GALNT7: variants seen among roughly 807,000 people sequenced by gnomAD.
GALNT7 encodes the protein polypeptide N-acetylgalactosaminyltransferase 7.
A neutral mutation model predicts 82.1 loss-of-function variants in GALNT7; 60 were observed. The observed-to-expected ratio is 0.73, with a 90% CI of 0.59 to 0.91. The LOEUF is 0.91. Ranked by LOEUF, GALNT7 falls within the 40% of genes least tolerant of loss-of-function variation. The pLI, the probability that GALNT7 is intolerant of heterozygous loss-of-function variation, is 0.00. For missense variants in GALNT7, 660 were observed against 804.2 expected, an observed-to-expected ratio of 0.82 and a Z score of 2.17; for synonymous variants, 243 against 275.1, an observed-to-expected ratio of 0.88 and a Z score of 1.15.
chr4:173,264,868 C>G (rs974919554), intron 2 of GALNT7, among the ~76,000 whole-genome samples: 1 of 152,238 alleles, frequency 6.6e-6, no homozygotes, highest in African/African-American at 2.4e-5. Flanking sequence ...CCTCTTCCTG[C>G]ATCCTGGAGG....
chr4:173,257,551 T>C (rs554741715), intron 2 of GALNT7, among the ~76,000 whole-genome samples: 2 of 152,294 alleles, frequency 1.3e-5, no homozygotes, highest in East Asian at 3.9e-4. Context: ...ATTATATAAA[T>C]AATATAGTTT....
At chr4:173,217,507 G>A (rs1401797624) in intron 1 of GALNT7, among the ~76,000 whole-genome samples, 1 of 152,140 alleles carries the variant, frequency 6.6e-6, no homozygotes, top group African/African-American at 2.4e-5. Flanking sequence ...GAAGTGAAAA[G>A]CATGTTTTAG....
chr4:173,313,570 C>CAAA (rs957463269), intron 8 of GALNT7, among the ~76,000 whole-genome samples: 3 of 62,374 alleles, frequency 4.8e-5, no homozygotes, highest in Admixed American at 1.8e-4. Context: ...GACCCCATCA[C>CAAA]AAAAAAAAAA....
At chr4:173,211,110 A>G (rs1733270828) in intron 1 of GALNT7, among the ~76,000 whole-genome samples, 1 of 152,186 alleles carries the variant, frequency 6.6e-6, no homozygotes, top group Admixed American at 6.5e-5. Context: ...CCACATCTCA[A>G]GTACTCAATA....
chr4:173,182,760 C>G (rs1166227529), intron 1 of GALNT7, among the ~76,000 whole-genome samples: 2 of 148,632 alleles, frequency 1.3e-5, no homozygotes, highest in Non-Finnish European at 3.0e-5. Flanking sequence ...CACACACACA[C>G]ACACAGACAC....
At chr4:173,270,205 A>T (rs1735672914) in intron 2 of GALNT7, among the ~76,000 whole-genome samples, 1 of 152,148 alleles carries the variant, frequency 6.6e-6, no homozygotes, top group South Asian at 2.1e-4. Flanking sequence ...GGTACAGGGG[A>T]AATGTTTTTC....
chr4:173,252,057 T>C (rs911021035), intron 2 of GALNT7, among the ~76,000 whole-genome samples: 15 of 152,240 alleles, frequency 9.9e-5, no homozygotes, highest in African/African-American at 3.1e-4. Flanking sequence ...TTATTTATAC[T>C]TTAGAATGTG....
Position 173,292,092 on chromosome 4 carries a change from A to C in GALNT7, c.588-16A>C. On this transcript the variant is annotated splice_polypyrimidine_tract_variant and intron_variant, in intron 2 of 11. Transcript: ENST00000265000. This position sits in a 1 kb window ranked among gnomAD's most constrained non-coding sequence, Gnocchi z 4.8. ...GATTACCTGTAAATAAATATGATGA[A>C]ATTTTCTCTTTACAGATGCAAGTAT... 1 of 1,580,252 alleles carries C rather than the reference A, an allele frequency of 6.3e-7. No individual in the cohort carries two copies. The highest frequency in any genetic ancestry group is 8.7e-7 in the Non-Finnish European group (1 of 1,154,076).
At chr4:173,213,536 T>A (rs577565591) in intron 1 of GALNT7, among the ~76,000 whole-genome samples, 79 of 152,282 alleles carry the variant, frequency 5.2e-4, no homozygotes, top group African/African-American at 1.8e-3. Context: ...AGCTGTGGTG[T>A]ATAATATGAG....
chr4:173,253,652 A>G (rs1436774547), intron 2 of GALNT7, among the ~76,000 whole-genome samples: 1 of 152,174 alleles, frequency 6.6e-6, no homozygotes, highest in Non-Finnish European at 1.5e-5. Context: ...GGGGAAATCA[A>G]AGATAAATCC....
rs1228115904 is a variant in GALNT7, at chr4:173,322,661, A to G, written c.*944A>G. The G allele has an allele frequency of 3.9e-5, 6 of 152,212 alleles. No individual in the cohort carries two copies. 9.4% of individuals were successfully genotyped at this position (152,212 alleles called of 1,614,324 possible). The stretch of plus-strand genomic sequence containing the variant: ...TATCCCTTGAAAGCGAGGGTGACAA[A>G]AACAACAAAACACCGTTATAAACAC... On this transcript the variant is annotated 3_prime_UTR_variant, in exon 12 of 12. Coordinates refer to ENST00000265000, the MANE Select transcript of GALNT7 (RefSeq NM_017423.3).
chr4:173,302,686 A>C lies in GALNT7; in HGVS notation c.1266+522A>C, dbSNP rs1261755561. Among the ~76,000 whole-genome samples the C allele has an allele frequency of 1.3e-5, 2 of 152,130 alleles. No individual in the cohort carries two copies. The highest frequency in any genetic ancestry group is 4.8e-5 in the African/African-American group (2 of 41,420). On this transcript the variant is annotated intron_variant, in intron 7 of 11. Transcript: ENST00000265000. This position sits in a 1 kb window ranked among gnomAD's most constrained non-coding sequence, Gnocchi z 4.2. ...TGCTCCAGCCCCCACCTCAACCCCT[A>C]TTCCTACCCCCATTTTCCAAAAGAA...
chr4:173,290,622 G>C (rs907325517), intron 2 of GALNT7, among the ~76,000 whole-genome samples: 32 of 152,168 alleles, frequency 2.1e-4, no homozygotes, highest in Non-Finnish European at 4.4e-4. Context: ...GAGGCAGGGA[G>C]GGAACTTTCA....
intron 2 of GALNT7, among the ~76,000 whole-genome samples, chr4:173,272,615 A>G (rs1039513405): frequency 1.3e-5 from 2 of 152,236 alleles, no homozygotes; most frequent in Non-Finnish European, 2.9e-5. Context: ...ATGTAAAAAG[A>G]TAAGTAAAGA....
intron 2 of GALNT7, among the ~76,000 whole-genome samples, chr4:173,290,714 A>G (rs964348612): frequency 6.6e-6 from 1 of 152,258 alleles, no homozygotes; most frequent in African/African-American, 2.4e-5. Context: ...GACAAAGAAT[A>G]TAAGTAAGAA....
intron 8 of GALNT7, 35 bp from the exon 9 acceptor site, chr4:173,313,923 A>G (rs1049211674): frequency 2.1e-6 from 2 of 974,754 alleles, no homozygotes; most frequent in African/African-American, 3.4e-5. Flanking sequence ...TTGTATTTTT[A>G]TAACGATATA....
intron 2 of GALNT7, among the ~76,000 whole-genome samples, chr4:173,261,502 A>G (rs17059268): frequency 0.053 from 8,102 of 152,124 alleles, 618 homozygotes; most frequent in African/African-American, 0.17. Context: ...CTTACAGAGC[A>G]CCCTTTAACG....
chr4:173,291,437 A>T (rs1004571810), intron 2 of GALNT7, among the ~76,000 whole-genome samples: 2 of 152,242 alleles, frequency 1.3e-5, no homozygotes, highest in African/African-American at 2.4e-5. Context: ...TTTCAGAATC[A>T]AAATGAGTCT....
At chr4:173,175,507 A>G (rs1262792288) in intron 1 of GALNT7, among the ~76,000 whole-genome samples, 1 of 152,248 alleles carries the variant, frequency 6.6e-6, no homozygotes, top group Admixed American at 6.5e-5. Context: ...TTAACAACAC[A>G]GACAAGTACA....
Sources: allele counts gnomAD v4.1 joint callset (sites outside exome capture counted in the v4.1 genomes callset), GRCh38; gene constraint gnomAD v4.1.1; non-coding constraint Gnocchi (gnomAD v3.1); transcripts MANE v1.5; gene names NCBI Gene and HGNC (gene_info 2026-07-23, HGNC 2026-07-21).